SH3YL1: variants seen among roughly 807,000 people sequenced by gnomAD.
SH3YL1 encodes the protein SH3 and SYLF domain containing 1.
SH3YL1 carries 41 observed loss-of-function variants against 45.8 expected under a neutral mutation model. The observed-to-expected ratio is 0.89, with a 90% CI of 0.70 to 1.16. The LOEUF (loss-of-function observed/expected upper bound fraction) is 1.16, where lower values mean the gene tolerates loss of function less well. SH3YL1 is among the 50% of genes most tolerant of loss of function. The pLI is 0.00. For synonymous variants in SH3YL1, 152 were observed against 151.4 expected, an observed-to-expected ratio of 1.00 and a Z score of -0.03; for missense variants, 389 against 409.6, an observed-to-expected ratio of 0.95 and a Z score of 0.43.
chr2:230,197 C>G lies in SH3YL1; in HGVS notation c.703-153G>C, dbSNP rs537971418. On this transcript the variant is annotated intron_variant, in intron 7 of 9. Transcript: ENST00000356150. ...CAAAGCTCACATGCACCCCTCTGGA[C>G]TCTATGTAATTGAACTGGATGACAA... 2.6e-5 allele frequency among the ~76,000 whole-genome samples: 4 copies of G among 152,276 alleles called. No homozygotes were observed. The East Asian group carries it at 7.7e-4, about 29-fold the overall frequency.
intron 4 of SH3YL1, among the ~76,000 whole-genome samples, chr2:235,679 G>GGCA (rs1210395480): frequency 2.0e-5 from 2 of 99,910 alleles, no homozygotes; most frequent in African/African-American, 8.1e-5. Flanking sequence ...GGCCAGGGGA[G>GGCA]GCAGCATGGG....
At chr2:234,120 G>T in intron 5 of SH3YL1, 40 bp downstream of exon 5, 2 of 1,428,408 alleles carry the variant, frequency 1.4e-6, no homozygotes, top group Non-Finnish European at 1.9e-6. Flanking sequence ...ATATGCAGTT[G>T]TTAAACCTTT....
rs12987953 is a variant in SH3YL1 at position 232,717 on chromosome 2, T to C, written c.533+384A>G. ...GTTTGGTTTTCTGTCCTTGTGATAG[T>C]TTGCTGAGAATGATGGTTTCCAGCT... On this transcript the variant is annotated intron_variant, in intron 6 of 9. Transcript: ENST00000356150. Among the ~76,000 whole-genome samples, 504 of 152,192 alleles carry C rather than the reference T, an allele frequency of 3.3e-3. 1 individual carries two copies. The highest frequency in any genetic ancestry group is 6.8e-3 in the Middle Eastern group (2 of 294).
intron 2 of SH3YL1, among the ~76,000 whole-genome samples, chr2:251,576 T>C (rs1558250421): frequency 6.6e-6 from 1 of 152,188 alleles, no homozygotes; most frequent in Non-Finnish European, 1.5e-5. Context: ...TAGTTTTTCT[T>C]GTTGAGTTTT....
At chr2:238,976 T>A (rs1668425356) in intron 4 of SH3YL1, among the ~76,000 whole-genome samples, 1 of 152,166 alleles carries the variant, frequency 6.6e-6, no homozygotes, top group Admixed American at 6.5e-5. Flanking sequence ...CGAACATAAA[T>A]TAACCCCACG....
intron 4 of SH3YL1, among the ~76,000 whole-genome samples, chr2:245,655 G>A (rs1161050834): frequency 6.6e-6 from 1 of 152,116 alleles, no homozygotes; most frequent in Non-Finnish European, 1.5e-5. Context: ...GTCTGACCCA[G>A]TCTTCTCTCT....
chr2:264,823 G>A (rs573062193), upstream of SH3YL1: 601 of 959,480 alleles, frequency 6.3e-4, 14 homozygotes, highest in South Asian at 1.0e-2. Context: ...AGCCGATTGC[G>A]CAGGCGTGGC....
At chr2:248,130 TA>T (rs1668916549) in intron 3 of SH3YL1, among the ~76,000 whole-genome samples, 1 of 152,248 alleles carries the variant, frequency 6.6e-6, no homozygotes, top group African/African-American at 2.4e-5. Context: ...TCAAGGTTAT[TA>T]AAATTCTAAC....
chr2:253,162 A>C (rs1409655865), intron 1 of SH3YL1, 47 bp from the exon 2 acceptor site: 1 of 1,062,728 alleles, frequency 9.4e-7, no homozygotes, highest in Admixed American at 2.4e-5. Context: ...TGCTAAATAG[A>C]AGTGAGAAAT....
Position 243,560 on chromosome 2 carries a change from T to C in SH3YL1, c.291+3978A>G, listed in dbSNP as rs944770420. The stretch of plus-strand genomic sequence containing the variant: ...CAGAGGGAATATGTAGCTGTAAATG[T>C]GTCTATTAAAAAAAAAACAGACCTC... On this transcript the variant is annotated intron_variant, in intron 4 of 9. Coordinates refer to ENST00000356150, the MANE Select transcript of SH3YL1 (RefSeq NM_015677.4). 15 of 1,486,090 alleles carry C rather than the reference T, an allele frequency of 1.0e-5. No homozygotes were observed. In the African/African-American group the frequency reaches 2.4e-4, roughly 24 times the overall value. The allele number at this position is 1,486,090 out of a possible 1,614,324, so 92.1% of individuals were successfully genotyped here. A position where few individuals can be genotyped will look rare whatever the true frequency, so the allele number is the denominator to read the frequency against.
intron 1 of SH3YL1, chr2:256,777 A>AT (rs1218035646): frequency 6.6e-6 from 1 of 152,246 alleles, no homozygotes; most frequent in Non-Finnish European, 1.5e-5. Flanking sequence ...GTAAATGTGT[A>AT]TTTAACAATG....
intron 5 of SH3YL1, among the ~76,000 whole-genome samples, chr2:233,835 G>A (rs1042982600): frequency 6.6e-6 from 1 of 151,932 alleles, no homozygotes; most frequent in Non-Finnish European, 1.5e-5. Flanking sequence ...TTTCCTAATC[G>A]AAGCTTAACT....
intron 9 of SH3YL1, 68 bp from the exon 10 acceptor site, chr2:219,069 G>T: frequency 7.3e-7 from 1 of 1,362,620 alleles, no homozygotes; most frequent in Non-Finnish European, 1.0e-6. Flanking sequence ...CTGCTGGTAA[G>T]ATAAAAATTA....
chr2:221,783 C>A (rs1667585561), intron 9 of SH3YL1, among the ~76,000 whole-genome samples: 1 of 151,640 alleles, frequency 6.6e-6, no homozygotes, highest in Non-Finnish European at 1.5e-5. Flanking sequence ...GAAACTCCAT[C>A]CACATGAAAA....
Position 231,461 on chromosome 2 carries a change from AAT to A in SH3YL1, c.534-272_534-271del, listed in dbSNP as rs535080258. Among the ~76,000 whole-genome samples, 28 of 152,348 alleles carry A rather than the reference AAT, an allele frequency of 1.8e-4. 1 individual carries two copies. The East Asian group carries it at 5.0e-3, about 27-fold the overall frequency. ...AAAAGCACATCCACATTATCATGGAAATACTTATACTTGCCCATATATATACA... is the reference window on the plus strand; with the variant it reads ...AAAAGCACATCCACATTATCATGGAAACTTATACTTGCCCATATATATACA... On this transcript the variant is annotated intron_variant, in intron 6 of 9. Coordinates refer to ENST00000356150, the MANE Select transcript of SH3YL1 (RefSeq NM_015677.4).
rs930771205 is a variant in SH3YL1 at position 223,239 on chromosome 2, A to G, written c.838+1625T>C. Among the ~76,000 whole-genome samples, 43 of 152,138 alleles carry G rather than the reference A, an allele frequency of 2.8e-4. 1 individual carries two copies. The highest frequency in any genetic ancestry group is 1.9e-4 in the Non-Finnish European group (13 of 68,036). ...ATCTCTGTCTCCACAGCCCACTTAG[A>G]GTTTAATTTCTTATCAGGAAACGTT... On this transcript the variant is annotated intron_variant, in intron 9 of 9. Transcript: ENST00000356150.
chr2:230,980 G>T (rs1394607945), intron 7 of SH3YL1, 43 bp downstream of exon 7: 2 of 1,589,296 alleles, frequency 1.3e-6, no homozygotes, highest in East Asian at 4.5e-5. Context: ...TACAGAAAGA[G>T]ATTTTCTGAG....
intron 3 of SH3YL1, among the ~76,000 whole-genome samples, chr2:248,977 G>A (rs917721123): frequency 1.3e-5 from 2 of 152,282 alleles, no homozygotes; most frequent in Middle Eastern, 3.4e-3. Flanking sequence ...TTTCACAAAT[G>A]TATATATTGT....
At chr2:231,315 T>C in intron 6 of SH3YL1, 124 bp from the exon 7 acceptor site, 1 of 729,370 alleles carries the variant, frequency 1.4e-6, no homozygotes, top group Non-Finnish European at 2.2e-6. Context: ...TCATATACAC[T>C]ACTTTTTAAA....
Sources: allele counts gnomAD v4.1 joint callset (sites outside exome capture counted in the v4.1 genomes callset), GRCh38; gene constraint gnomAD v4.1.1; transcripts MANE v1.5; gene names NCBI Gene and HGNC (gene_info 2026-07-23, HGNC 2026-07-21).